The following WDR25 variants were observed in gnomAD, a reference collection of about 807,000 sequenced individuals.
WDR25 encodes the protein WD repeat-containing protein 25.
In WDR25, 35 loss-of-function variants were observed where a neutral mutation model predicts 47.7. The ratio of observed to expected loss-of-function variants is 0.73; its 90% CI spans 0.56 to 0.97. The LOEUF (loss-of-function observed/expected upper bound fraction) is 0.97. WDR25 is among the 50% of genes least tolerant of loss of function. The pLI, the probability that WDR25 is intolerant of heterozygous loss-of-function variation, is 0.00. For synonymous variants in WDR25, 248 were observed against 278.9 expected (o/e 0.89, Z 1.10); for missense variants, 634 against 704.7 (o/e 0.90, Z 1.14).
intron 5 of WDR25, among the ~76,000 whole-genome samples, chr14:100,527,309 T>G (rs892220468): frequency 1.8e-4 from 27 of 151,528 alleles, no homozygotes; most frequent in Non-Finnish European, 3.1e-4. Flanking sequence ...TATATTGTTA[T>G]CATCACCACC....
chr14:100,521,953 G>A (rs2029887576), intron 4 of WDR25, among the ~76,000 whole-genome samples: 1 of 152,200 alleles, frequency 6.6e-6, no homozygotes, highest in South Asian at 2.1e-4. Flanking sequence ...TTGGGATTTT[G>A]TTAATTTGAT....
chr14:100,455,081 G>A (rs971533115), intron 2 of WDR25: 1 of 152,262 alleles, frequency 6.6e-6, no homozygotes, highest in Non-Finnish European at 1.5e-5. Flanking sequence ...GGAGCTTATT[G>A]CCAAGATGAT....
At chr14:100,485,981 A>T (rs1189475635) in intron 4 of WDR25, among the ~76,000 whole-genome samples, 1 of 152,086 alleles carries the variant, frequency 6.6e-6, no homozygotes, top group South Asian at 2.1e-4. Context: ...TTTACAAAGG[A>T]ACTTTCTTAT....
chr14:100,524,040 G>A (rs972837712), intron 4 of WDR25, among the ~76,000 whole-genome samples: 10 of 152,076 alleles, frequency 6.6e-5, no homozygotes, highest in East Asian at 5.8e-4. Context: ...GGCAGGGATC[G>A]CCCATAACAC....
intron 2 of WDR25, among the ~76,000 whole-genome samples, chr14:100,390,379 C>T (rs902801651): frequency 5.1e-5 from 7 of 137,832 alleles, no homozygotes; most frequent in Admixed American, 1.5e-4. Context: ...AAAAAGCTGA[C>T]CTGACCAAAA....
At chr14:100,453,597 G>C (rs1439406443) in intron 2 of WDR25, among the ~76,000 whole-genome samples, 1 of 152,206 alleles carries the variant, frequency 6.6e-6, no homozygotes, top group Non-Finnish European at 1.5e-5. Flanking sequence ...CGGATATGAA[G>C]TTCCAGATTA....
intron 4 of WDR25, among the ~76,000 whole-genome samples, chr14:100,490,117 G>T (rs546698158): frequency 6.6e-6 from 1 of 152,298 alleles, no homozygotes; most frequent in Non-Finnish European, 1.5e-5. Flanking sequence ...CAGGGGAGTG[G>T]GTGGCTCACC....
At chr14:100,419,883 G>A (rs536453536) in intron 2 of WDR25, among the ~76,000 whole-genome samples, 5 of 152,328 alleles carry the variant, frequency 3.3e-5, no homozygotes, top group South Asian at 4.1e-4. Context: ...CAGAGAACAC[G>A]CACATTTGAA....
chr14:100,469,914 C>T (rs1370071709), intron 3 of WDR25, among the ~76,000 whole-genome samples: 1 of 152,230 alleles, frequency 6.6e-6, no homozygotes, highest in Non-Finnish European at 1.5e-5. Flanking sequence ...CTGCATGTCC[C>T]ATAAGATATG....
At chr14:100,394,248 G>A (rs553146935) in intron 2 of WDR25, among the ~76,000 whole-genome samples, 3 of 152,288 alleles carry the variant, frequency 2.0e-5, no homozygotes, top group African/African-American at 7.2e-5. Flanking sequence ...GAGGAGCTCA[G>A]GTCCCTCTAG....
At chr14:100,421,123 T>C (rs1172613157) in intron 2 of WDR25, among the ~76,000 whole-genome samples, 1 of 152,188 alleles carries the variant, frequency 6.6e-6, no homozygotes, top group Non-Finnish European at 1.5e-5. Flanking sequence ...AAACTGGAAT[T>C]TTAACAGTGT....
chr14:100,419,314 C>T (rs946920047), intron 2 of WDR25, among the ~76,000 whole-genome samples: 1 of 151,992 alleles, frequency 6.6e-6, no homozygotes, highest in Admixed American at 6.6e-5. Context: ...CCTCTTTCTT[C>T]CTTCTCCTGC....
intron 2 of WDR25, among the ~76,000 whole-genome samples, chr14:100,419,548 T>C (rs183989771): frequency 3.9e-5 from 6 of 152,338 alleles, no homozygotes; most frequent in African/African-American, 1.4e-4. Flanking sequence ...GATGTAATAG[T>C]CTTTATCACA....
intron 2 of WDR25, among the ~76,000 whole-genome samples, chr14:100,420,902 C>T (rs35107761): frequency 0.19 from 28,236 of 152,086 alleles, 2,753 homozygotes; most frequent in Non-Finnish European, 0.21. Context: ...TCTTTCTGTC[C>T]CACTGTCCTG....
intron 2 of WDR25, among the ~76,000 whole-genome samples, chr14:100,382,527 C>CT (rs1247236541): frequency 9.2e-5 from 14 of 152,080 alleles, no homozygotes; most frequent in African/African-American, 2.7e-4. Flanking sequence ...CATGGAAACT[C>CT]TTTTTTGCAT....
At chr14:100,410,747 A>T (rs576543941) in intron 2 of WDR25, among the ~76,000 whole-genome samples, 1 of 151,510 alleles carries the variant, frequency 6.6e-6, no homozygotes, top group South Asian at 2.1e-4. Context: ...CTTAAACTAC[A>T]GGACACTCAC....
At chr14:100,505,126 G>C (rs751405994) in intron 4 of WDR25, among the ~76,000 whole-genome samples, 1 of 152,098 alleles carries the variant, frequency 6.6e-6, no homozygotes, top group Non-Finnish European at 1.5e-5. Flanking sequence ...TATTACATAG[G>C]TTTTTGTGTT....
chr14:100,388,777 T>G (rs1897074452), intron 2 of WDR25, among the ~76,000 whole-genome samples: 5 of 152,224 alleles, frequency 3.3e-5, no homozygotes, highest in Admixed American at 2.0e-4. Context: ...GTTTTCTGCT[T>G]TTTAATAACT....
chr14:100,467,922 A>G, intron 2 of WDR25, 99 bp from the exon 3 acceptor site: 1 of 1,447,942 alleles, frequency 6.9e-7, no homozygotes, highest in Non-Finnish European at 9.4e-7. Context: ...TGAGAATCTA[A>G]TTCCACCGAG....
Sources: gnomAD v4.1 joint callset for allele counts (sites outside exome capture counted in the v4.1 genomes callset) on GRCh38, gnomAD v4.1.1 for gene constraint, MANE v1.5 for transcripts, NCBI Gene and HGNC (gene_info 2026-07-23, HGNC 2026-07-21) for gene names.